CGGBP1: variants seen among roughly 807,000 people sequenced by gnomAD.
The protein encoded by CGGBP1 is CGG triplet repeat-binding protein 1.
CGGBP1 carries 4 observed loss-of-function variants against 11.4 expected under a neutral mutation model. The observed-to-expected ratio is 0.35, with a 90% CI of 0.17 to 0.80. CGGBP1 has a LOEUF of 0.80. Ranked by LOEUF, CGGBP1 falls within the 30% of genes least tolerant of loss-of-function variation. CGGBP1 has a pLI of 0.52. For synonymous variants in CGGBP1, 76 were observed against 74.1 expected, an observed-to-expected ratio of 1.03 and a Z score of -0.13; for missense variants, 135 against 202.1, an observed-to-expected ratio of 0.67 and a Z score of 2.01.
intron 2 of CGGBP1, among the ~76,000 whole-genome samples, chr3:88,126,853 C>A (rs189868636): frequency 6.6e-6 from 1 of 152,222 alleles, no homozygotes; most frequent in East Asian, 1.9e-4. Context: ...AGCAGTATTT[C>A]CCAAACTTCA....
rs1056453191 is a variant in CGGBP1 at position 88,053,322 on chromosome 3, A to G, written c.*2151T>C. On this transcript the variant is annotated 3_prime_UTR_variant, in exon 4 of 4. Coordinates refer to ENST00000482016, the MANE Select transcript of CGGBP1 (RefSeq NM_001008390.2). ...GAAGAAACATTAATACCAAATCCCCACAACAGGATGGAAAACATTTCTAAG... is the reference window on the plus strand; with the variant it reads ...GAAGAAACATTAATACCAAATCCCCGCAACAGGATGGAAAACATTTCTAAG... The G allele has an allele frequency of 6.6e-6, 1 of 152,182 alleles. No homozygotes were observed. Among genetic ancestry groups the G allele is most frequent in the Non-Finnish European group, 1.5e-5 (1 of 67,986 alleles). The allele number at this position is 152,182 out of a possible 1,614,324, so 9.4% of individuals were successfully genotyped here.
At chr3:88,123,326 G>A (rs548860918) in intron 2 of CGGBP1, among the ~76,000 whole-genome samples, 5 of 152,200 alleles carry the variant, frequency 3.3e-5, no homozygotes, top group Non-Finnish European at 5.9e-5. Flanking sequence ...GACCCACGAA[G>A]TGTACATACA....
chr3:88,140,889 G>A (rs1448173325), intron 2 of CGGBP1: 1 of 1,613,606 alleles, frequency 6.2e-7, no homozygotes, highest in Non-Finnish European at 8.5e-7. Flanking sequence ...GACTGATAGA[G>A]TAGATGCCTG....
chr3:88,065,015 C>T (rs1443460741), intron 2 of CGGBP1, among the ~76,000 whole-genome samples: 1 of 152,180 alleles, frequency 6.6e-6, no homozygotes, highest in African/African-American at 2.4e-5. Context: ...TTTTTAATTG[C>T]ATTGATAATA....
At chr3:88,136,972 A>C (rs1345349681) in intron 2 of CGGBP1, among the ~76,000 whole-genome samples, 1 of 152,086 alleles carries the variant, frequency 6.6e-6, no homozygotes, top group Non-Finnish European at 1.5e-5. Flanking sequence ...AGGTGGGCAG[A>C]TCACTTGAGG....
chr3:88,096,330 A>T (rs1704057048), intron 2 of CGGBP1, among the ~76,000 whole-genome samples: 2 of 152,100 alleles, frequency 1.3e-5, no homozygotes, highest in Admixed American at 1.3e-4. Context: ...GCCCACAGAC[A>T]AGAGATGGTT....
intron 2 of CGGBP1, among the ~76,000 whole-genome samples, chr3:88,109,142 AGTGTGTGTGTGTGTGT>A (rs35595112): frequency 3.5e-5 from 5 of 142,530 alleles, no homozygotes; most frequent in Admixed American, 7.0e-5. Flanking sequence ...AGTGGGCACT[AGTGTGTGTGTGTGTGT>A]GTGTGTGTGT....
intron 2 of CGGBP1, among the ~76,000 whole-genome samples, chr3:88,088,795 T>G (rs1323455107): frequency 2.0e-5 from 3 of 151,512 alleles, no homozygotes; most frequent in African/African-American, 4.9e-5. Flanking sequence ...GATGGATGGA[T>G]GGAGTCTGGC....
intron 2 of CGGBP1, among the ~76,000 whole-genome samples, chr3:88,064,920 A>G (rs879775102): frequency 2.0e-5 from 3 of 152,198 alleles, no homozygotes; most frequent in Non-Finnish European, 4.4e-5. Flanking sequence ...GCAGTCACTT[A>G]TTTACTTTTG....
chr3:88,060,009 TC>T (rs1358525562), upstream of CGGBP1, among the ~76,000 whole-genome samples: 9 of 151,472 alleles, frequency 5.9e-5, no homozygotes, highest in Admixed American at 4.6e-4. Context: ...TCTCCTGTCA[TC>T]CCCTCACAAG....
chr3:88,081,154 A>G (rs1187019408), intron 2 of CGGBP1, among the ~76,000 whole-genome samples: 2 of 152,166 alleles, frequency 1.3e-5, no homozygotes, highest in Non-Finnish European at 2.9e-5. Context: ...ATGGGAATCA[A>G]TCTATGCATT....
intron 2 of CGGBP1, chr3:88,129,729 T>C: frequency 6.5e-7 from 1 of 1,527,888 alleles, no homozygotes; most frequent in Non-Finnish European, 8.8e-7. Flanking sequence ...TGATATCATC[T>C]GTAATGCTGA....
chr3:88,099,196 CAGAG>C (rs1265051740), intron 2 of CGGBP1, among the ~76,000 whole-genome samples: 2 of 152,066 alleles, frequency 1.3e-5, no homozygotes, highest in Non-Finnish European at 2.9e-5. Context: ...CAATAACAGA[CAGAG>C]AGCCAAATCA....
chr3:88,098,698 A>G (rs942744140), intron 2 of CGGBP1, among the ~76,000 whole-genome samples: 20 of 152,344 alleles, frequency 1.3e-4, no homozygotes, highest in Middle Eastern at 6.8e-3. Flanking sequence ...AATAAACGTA[A>G]TCCAGCATAT....
At chr3:88,128,840 G>C (rs1464384793) in intron 2 of CGGBP1, 1 of 1,535,272 alleles carries the variant, frequency 6.5e-7, no homozygotes, top group South Asian at 1.2e-5. Flanking sequence ...AAAATCCACT[G>C]TTCTTTGAAC....
chr3:88,055,347 A>G lies in CGGBP1; in HGVS notation c.*126T>C, dbSNP rs1447853725. 9 of 933,128 alleles carry G rather than the reference A, an allele frequency of 9.6e-6. No individual in the cohort carries two copies. The East Asian group carries it at 2.3e-4, about 24-fold the overall frequency. The allele number at this position is 933,128 out of a possible 1,614,324, so 57.8% of individuals were successfully genotyped here. A position where few individuals can be genotyped will look rare whatever the true frequency, so the allele number is the denominator to read the frequency against. ...GTTTTTTTTTTGCCTGCAACTATAT[A>G]CACATTGCAAAACTATTCTGCGTCA... is the stretch of plus-strand genomic sequence containing the variant. On this transcript the variant is annotated 3_prime_UTR_variant, in exon 4 of 4. Transcript: ENST00000482016. This position sits in a 1 kb window ranked among gnomAD's most constrained non-coding sequence, Gnocchi z 4.2.
upstream of CGGBP1, among the ~76,000 whole-genome samples, chr3:88,059,742 G>A (rs932582564): frequency 4.6e-5 from 7 of 152,062 alleles, no homozygotes; most frequent in African/African-American, 1.4e-4. Flanking sequence ...GGGATGGAGG[G>A]GCTGGAAAGA....
chr3:88,086,344 A>T, intron 2 of CGGBP1: 5 of 1,535,528 alleles, frequency 3.3e-6, no homozygotes, highest in Non-Finnish European at 4.4e-6. Context: ...TACAACAGCC[A>T]GTGCATCATT....
intron 1 of CGGBP1, among the ~76,000 whole-genome samples, chr3:88,147,602 T>C (rs1707333758): frequency 6.6e-6 from 1 of 152,236 alleles, no homozygotes; most frequent in South Asian, 2.1e-4. Context: ...GCTATTAAAA[T>C]TTAAATTCAA....
Sources: gnomAD v4.1 joint callset for allele counts (sites outside exome capture counted in the v4.1 genomes callset) on GRCh38, gnomAD v4.1.1 for gene constraint, Gnocchi (gnomAD v3.1) non-coding constraint, MANE v1.5 for transcripts, NCBI Gene and HGNC (gene_info 2026-07-23, HGNC 2026-07-21) for gene names.